The following SNX9 variants were observed in gnomAD, a reference collection of about 807,000 sequenced individuals.
SNX9 encodes sorting nexin 9.
Under a neutral mutation model 89.4 loss-of-function variants are expected in SNX9, and 44 were observed. The ratio of observed to expected loss-of-function variants is 0.49; its 90% CI spans 0.39 to 0.63. The LOEUF is 0.63. Among genes scored for constraint, SNX9 ranks in the 30% least tolerant of loss-of-function variants. The pLI, the probability that SNX9 is intolerant of heterozygous loss-of-function variation, is 0.00. For missense variants in SNX9, 578 were observed against 736.1 expected, an observed-to-expected ratio of 0.79 and a Z score of 2.49; for synonymous variants, 236 against 247.8, an observed-to-expected ratio of 0.95 and a Z score of 0.45.
At chr6:157,902,113 C>T (rs190576968) in intron 6 of SNX9, 68 bp downstream of exon 6, 1 of 1,389,080 alleles carries the variant, frequency 7.2e-7, no homozygotes, top group East Asian at 2.6e-5. Context: ...AAGTATATAC[C>T]CTACCAAGAG....
chr6:157,901,668 TG>T (rs1405215191), intron 5 of SNX9, among the ~76,000 whole-genome samples: 2 of 152,108 alleles, frequency 1.3e-5, no homozygotes, highest in Admixed American at 6.5e-5. Flanking sequence ...CTCTTTAAGT[TG>T]CTTCTGATTT....
At chr6:157,928,931 TAA>T in intron 12 of SNX9, among the ~76,000 whole-genome samples, 1 of 152,342 alleles carries the variant, frequency 6.6e-6, no homozygotes, top group South Asian at 2.1e-4. Flanking sequence ...CACGTTCACT[TAA>T]TTAGTTCCAG....
At chr6:157,913,465 TATACTC>T (rs1650267190) in intron 9 of SNX9, among the ~76,000 whole-genome samples, 1 of 152,220 alleles carries the variant, frequency 6.6e-6, no homozygotes. Context: ...TTGCCTGGCT[TATACTC>T]ATAATTTCTA....
chr6:157,942,951 G>A lies in SNX9; in HGVS notation c.*113G>A. 2 of 1,164,258 alleles carry A rather than the reference G, an allele frequency of 1.7e-6. No individual in the cohort carries two copies. The highest frequency in any genetic ancestry group is 2.7e-5 in the Admixed American group (1 of 36,648). The allele number at this position is 1,164,258 out of a possible 1,614,324, so 72.1% of individuals were successfully genotyped here. ...AAAAAAAAGGAAACAAAACCAAAAA[G>A]AAAGAGTTGCAAAAAACTGCATTTA... On this transcript the variant is annotated 3_prime_UTR_variant, in exon 18 of 18. Transcript: ENST00000392185.
chr6:157,889,778 A>T (rs1042911435), intron 4 of SNX9, among the ~76,000 whole-genome samples: 1 of 152,242 alleles, frequency 6.6e-6, no homozygotes, highest in African/African-American at 2.4e-5. Flanking sequence ...GCATAGCATA[A>T]GCTAATAGGT....
chr6:157,916,595 A>G (rs1335498846), intron 9 of SNX9, among the ~76,000 whole-genome samples: 1 of 152,154 alleles, frequency 6.6e-6, no homozygotes, highest in Non-Finnish European at 1.5e-5. Context: ...AAGTTAAGGA[A>G]TTTCTCTTCT....
At chr6:157,861,588 T>G (rs1202120550) in intron 1 of SNX9, among the ~76,000 whole-genome samples, 1 of 152,222 alleles carries the variant, frequency 6.6e-6, no homozygotes, top group African/African-American at 2.4e-5. Flanking sequence ...ATTCTGTATT[T>G]AGTTCACATA....
intron 12 of SNX9, among the ~76,000 whole-genome samples, chr6:157,929,065 G>A (rs75583569): frequency 0.015 from 2,272 of 152,220 alleles, 63 homozygotes; most frequent in African/African-American, 0.052. Context: ...AAGATGTTGT[G>A]TATTTGACTA....
chr6:157,873,329 A>G lies in SNX9; in HGVS notation c.174+153A>G, dbSNP rs555503478. Among the ~76,000 whole-genome samples the G allele has an allele frequency of 7.3e-5, 11 of 151,126 alleles. No homozygotes were observed. In the South Asian group the frequency reaches 2.3e-3, roughly 31 times the overall value. The stretch of plus-strand genomic sequence containing the variant: ...TAACTATATAAAATATGGAAACTAC[A>G]TTGAAATAGAACTAAGAAAAATATT... On this transcript the variant is annotated intron_variant, in intron 3 of 17. Coordinates refer to ENST00000392185, the MANE Select transcript of SNX9 (RefSeq NM_016224.5).
chr6:157,855,769 TTGCCCAGGC>T (rs1403849841), intron 1 of SNX9, among the ~76,000 whole-genome samples: 1 of 152,204 alleles, frequency 6.6e-6, no homozygotes, highest in Non-Finnish European at 1.5e-5. Flanking sequence ...TTCGCTCTTG[TTGCCCAGGC>T]TGGAGTGGAG....
chr6:157,914,469 CTTTTTTT>C (rs34419515), intron 9 of SNX9, among the ~76,000 whole-genome samples: 1 of 75,114 alleles, frequency 1.3e-5, no homozygotes, highest in African/African-American at 5.6e-5. Flanking sequence ...TTTTCTTTTT[CTTTTTTT>C]TTTTTTTTTT....
intron 1 of SNX9, among the ~76,000 whole-genome samples, chr6:157,862,825 G>A (rs1490620660): frequency 6.6e-6 from 1 of 151,932 alleles, no homozygotes; most frequent in Admixed American, 6.6e-5. Flanking sequence ...AAATTAGAAT[G>A]TTTCCTTAAT....
At chr6:157,847,719 G>A (rs1438958521) in intron 1 of SNX9, among the ~76,000 whole-genome samples, 1 of 151,958 alleles carries the variant, frequency 6.6e-6, no homozygotes, top group East Asian at 1.9e-4. Flanking sequence ...GTCTATTCTG[G>A]TTTTAGTAGT....
At chr6:157,885,258 TATAA>T (rs1180568187) in intron 4 of SNX9, 3 of 152,240 alleles carry the variant, frequency 2.0e-5, no homozygotes, top group Non-Finnish European at 2.9e-5. Context: ...TATGACTGGC[TATAA>T]ATAGATTGAG....
chr6:157,927,261 T>C, intron 11 of SNX9, 47 bp downstream of exon 11: 2 of 1,373,136 alleles, frequency 1.5e-6, no homozygotes, highest in Non-Finnish European at 2.1e-6. Flanking sequence ...CGCACCCTCC[T>C]CCTTTGGCCA....
intron 4 of SNX9, among the ~76,000 whole-genome samples, chr6:157,879,303 A>G (rs1172725708): frequency 1.3e-5 from 2 of 152,212 alleles, no homozygotes; most frequent in African/African-American, 4.8e-5. Flanking sequence ...ACGCAGTGGA[A>G]AGCTGAGCTT....
chr6:157,914,480 T>TTTTTTTTTTTTTTTTTTTTTTTTTTC (rs1562616572), intron 9 of SNX9, among the ~76,000 whole-genome samples: 1 of 133,330 alleles, frequency 7.5e-6, no homozygotes, highest in African/African-American at 3.0e-5. Context: ...TTTTTTTTTT[T>TTTTTTTTTTTTTTTTTTTTTTTTTTC]TTTTTTTTTT....
chr6:157,914,267 T>TGCTTA lies in SNX9; in HGVS notation c.949+4243_949+4247dup, dbSNP rs1783411683. Among the ~76,000 whole-genome samples, 3 of 152,278 alleles carry TGCTTA rather than the reference T, an allele frequency of 2.0e-5. No individual in the cohort carries two copies. In the South Asian group the frequency reaches 6.2e-4, roughly 32 times the overall value. ...GAGTGGGGTTGAGCATCTCTTCATGTGCTTATTTCCCATCTGTAGATCTTT... is the reference window on the plus strand; with the variant it reads ...GAGTGGGGTTGAGCATCTCTTCATGTGCTTAGCTTATTTCCCATCTGTAGATCTTT... On this transcript the variant is annotated intron_variant, in intron 9 of 17. Coordinates refer to ENST00000392185, the MANE Select transcript of SNX9 (RefSeq NM_016224.5).
intron 9 of SNX9, among the ~76,000 whole-genome samples, chr6:157,916,095 C>T (rs1212100450): frequency 2.0e-5 from 3 of 151,148 alleles, no homozygotes; most frequent in East Asian, 2.0e-4. Flanking sequence ...AGTGCAGTGG[C>T]GCTATCTCGG....
Sources: allele counts gnomAD v4.1 joint callset (sites outside exome capture counted in the v4.1 genomes callset), GRCh38; gene constraint gnomAD v4.1.1; transcripts MANE v1.5; gene names NCBI Gene and HGNC (gene_info 2026-07-23, HGNC 2026-07-21).